The following UCHL5 variants were observed in gnomAD, a reference collection of about 807,000 sequenced individuals.
The protein encoded by UCHL5 is ubiquitin carboxyl-terminal hydrolase isozyme L5.
In UCHL5, 34 loss-of-function variants were observed where a neutral mutation model predicts 53.8. That is an observed-to-expected ratio of 0.63 (90% CI 0.48 to 0.84). The LOEUF is 0.84. Among genes scored for constraint, UCHL5 ranks in the 40% least tolerant of loss-of-function variants. The pLI is 0.00. For missense variants in UCHL5, 290 were observed against 385.6 expected (o/e 0.75, Z 2.08); for synonymous variants, 111 against 126.3 (o/e 0.88, Z 0.81).
chr1:193,035,931 A>C (rs1663216367), intron 3 of UCHL5, among the ~76,000 whole-genome samples: 1 of 152,070 alleles, frequency 6.6e-6, no homozygotes, highest in African/African-American at 2.4e-5. Context: ...CTTTATAATA[A>C]CATGTCATAT....
intron 2 of UCHL5, among the ~76,000 whole-genome samples, chr1:193,050,265 TG>T (rs1281683577): frequency 3.9e-5 from 6 of 152,246 alleles, no homozygotes; most frequent in African/African-American, 1.4e-4. Flanking sequence ...CATATATTAT[TG>T]GATTCATGAA....
At chr1:193,060,004 A>G, upstream of UCHL5, 3 of 1,363,820 alleles carry the variant, frequency 2.2e-6, no homozygotes, top group Non-Finnish European at 2.0e-6. Flanking sequence ...ACCATTCCTC[A>G]GGGTGGGCCC....
At chr1:193,020,268 C>T in intron 10 of UCHL5, 3 of 1,523,016 alleles carry the variant, frequency 2.0e-6, no homozygotes, top group East Asian at 4.9e-5. Flanking sequence ...TCAATCTTTG[C>T]TTTGTAAACT....
At chr1:193,052,757 A>G (rs1349446930) in intron 1 of UCHL5, among the ~76,000 whole-genome samples, 1 of 152,214 alleles carries the variant, frequency 6.6e-6, no homozygotes, top group African/African-American at 2.4e-5. Context: ...TCCACCAACT[A>G]TTAGCCAGTA....
intron 3 of UCHL5, among the ~76,000 whole-genome samples, chr1:193,042,626 C>T (rs1571796473): frequency 2.6e-5 from 4 of 152,262 alleles, no homozygotes; most frequent in African/African-American, 7.2e-5. Context: ...ATCACATGGA[C>T]TTCTGCAAAA....
chr1:193,026,970 A>G (rs1306644311), intron 7 of UCHL5, among the ~76,000 whole-genome samples: 1 of 152,216 alleles, frequency 6.6e-6, no homozygotes, highest in Non-Finnish European at 1.5e-5. Context: ...CCAAGAAATA[A>G]ACTGAGTGAA....
In UCHL5 at chr1:193,043,151, T is replaced by TAAAAAAAAAAAAAAAAAAA. The variant is rs200951342; in HGVS notation, c.246+6576_246+6594dup. On this transcript the variant is annotated intron_variant, in intron 3 of 10. Coordinates refer to ENST00000367454, the MANE Select transcript of UCHL5 (RefSeq NM_001199261.3). ...TGGAGCCTTGACAGCTCTTGAATAT[T>TAAAAAAAAAAAAAAAAAAA]AAAAAAAAAAAAAAAAAAAAAAAAA... Among the ~76,000 whole-genome samples, 30 of 36,366 alleles carry TAAAAAAAAAAAAAAAAAAA rather than the reference T, an allele frequency of 8.2e-4. 1 individual carries two copies. The highest frequency in any genetic ancestry group is 2.2e-3 in the African/African-American group (27 of 12,056). 23.9% of individuals were successfully genotyped at this position (36,366 alleles called of 152,430 possible).
At chr1:193,028,007 A>AAAAT in intron 7 of UCHL5, 78 bp downstream of exon 7, 1 of 1,576,770 alleles carries the variant, frequency 6.3e-7, no homozygotes, top group Non-Finnish European at 8.6e-7. Context: ...GCACACTGCT[A>AAAAT]AAATAACAAT....
intron 10 of UCHL5, among the ~76,000 whole-genome samples, chr1:193,019,198 G>C (rs978284618): frequency 6.6e-6 from 1 of 151,296 alleles, no homozygotes; most frequent in Non-Finnish European, 1.5e-5. Flanking sequence ...GTGCTTGCTG[G>C]GGATCTTTAG....
At position 193,029,594 on chromosome 1, in the gene UCHL5, C is replaced by T; in HGVS notation, c.310G>A (p.Asp104Asn). Residue 104 changes from aspartate (D) to asparagine (N), a missense_variant, in exon 4 of 11, where the codon GAT (aspartate) becomes AAT (asparagine). Transcript: ENST00000367454. ...VSVLLNCTHQ[D>N]VHLGETLSEF... ...GATAATGTCTCGCCTAAATGGACAT[C>T]CTGGTGGGTACAGTTCAGTAACACA... 6.2e-7 allele frequency: 1 copy of T among 1,613,352 alleles called. No homozygotes were observed. The highest frequency in any genetic ancestry group is 1.1e-5 in the South Asian group (1 of 91,034).
At chr1:193,053,433 CA>C (rs1157933433) in intron 1 of UCHL5, among the ~76,000 whole-genome samples, 1 of 152,204 alleles carries the variant, frequency 6.6e-6, no homozygotes, top group Non-Finnish European at 1.5e-5. Context: ...ACATTAAACA[CA>C]AACACATCTG....
At chr1:193,059,928 G>A (rs565410461), upstream of UCHL5, 3 of 1,366,270 alleles carry the variant, frequency 2.2e-6, no homozygotes, top group African/African-American at 1.5e-5. This position sits in a 1 kb window ranked among gnomAD's most constrained non-coding sequence, Gnocchi z 4.9. Flanking sequence ...TCCCGCTTCC[G>A]CGCCTGTCCA....
intron 3 of UCHL5, among the ~76,000 whole-genome samples, chr1:193,030,208 C>T (rs899757760): frequency 1.3e-5 from 2 of 152,128 alleles, no homozygotes; most frequent in African/African-American, 2.4e-5. Context: ...AATCATTTAA[C>T]AAATTATCTG....
At chr1:193,059,430 G>C, upstream of UCHL5, 1 of 1,610,670 alleles carries the variant, frequency 6.2e-7, no homozygotes, top group Non-Finnish European at 8.5e-7. This position sits in a 1 kb window ranked among gnomAD's most constrained non-coding sequence, Gnocchi z 4.9. Flanking sequence ...GCGACTGAGC[G>C]CGGGAGGACG....
At chr1:193,020,894 G>A (rs1173152702) in intron 10 of UCHL5, among the ~76,000 whole-genome samples, 1 of 147,478 alleles carries the variant, frequency 6.8e-6, no homozygotes, top group African/African-American at 2.4e-5. Context: ...GAAGCCTAAA[G>A]CAGTGGGGTA....
intron 3 of UCHL5, among the ~76,000 whole-genome samples, chr1:193,043,157 A>T (rs868124087): frequency 0.017 from 2,434 of 139,834 alleles, 151 homozygotes; most frequent in Middle Eastern, 0.032. Context: ...ATATTAAAAA[A>T]AAAAAAAAAA....
chr1:193,018,339 T>C (rs758635153), intron 10 of UCHL5: 11 of 263,192 alleles, frequency 4.2e-5, no homozygotes, highest in Non-Finnish European at 4.7e-5. Flanking sequence ...CATAATTACA[T>C]ACAAATGTGT....
Position 193,016,298 on chromosome 1 carries a change from T to C in UCHL5, c.*53A>G. 3.8e-6 allele frequency: 6 copies of C among 1,590,310 alleles called. No homozygotes were observed. In the South Asian group the frequency reaches 6.9e-5, roughly 18 times the overall value. On this transcript the variant is annotated 3_prime_UTR_variant, in exon 11 of 11. Transcript: ENST00000367454. ...GCTCTAAGTTCTTTATACATAATGG[T>C]TTCCATGAAAATATGTGCAGAAGCA...
chr1:193,042,700 C>A (rs920663609), intron 3 of UCHL5, among the ~76,000 whole-genome samples: 7 of 152,174 alleles, frequency 4.6e-5, no homozygotes, highest in Non-Finnish European at 8.8e-5. Context: ...AACACTGGAG[C>A]CAAAATGGCC....
Sources: gnomAD v4.1 joint callset for allele counts (sites outside exome capture counted in the v4.1 genomes callset) on GRCh38, gnomAD v4.1.1 for gene constraint, Gnocchi (gnomAD v3.1) non-coding constraint, MANE v1.5 for transcripts, NCBI Gene and HGNC (gene_info 2026-07-23, HGNC 2026-07-21) for gene names.